SERAC1: variants seen among roughly 807,000 people sequenced by gnomAD.
SERAC1 encodes the protein serine active site containing 1.
SERAC1 carries 36 observed loss-of-function variants against 85.7 expected under a neutral mutation model. The observed-to-expected ratio is 0.42, with a 90% CI of 0.32 to 0.55. SERAC1 has a LOEUF of 0.55. SERAC1 is among the 20% of genes least tolerant of loss of function. SERAC1 has a pLI of 0.11. For missense variants in SERAC1, 629 were observed against 796.2 expected (o/e 0.79, Z 2.53); for synonymous variants, 242 against 265.3 (o/e 0.91, Z 0.85).
At chr6:158,142,527 A>C (rs1296182427) in intron 8 of SERAC1, among the ~76,000 whole-genome samples, 3 of 149,912 alleles carry the variant, frequency 2.0e-5, no homozygotes, top group Non-Finnish European at 4.4e-5. Context: ...ACCAGGCTGG[A>C]GTGCAGTGGC....
At chr6:158,147,776 A>C (rs1273957095) in intron 5 of SERAC1, among the ~76,000 whole-genome samples, 1 of 100,476 alleles carries the variant, frequency 1.0e-5, no homozygotes, top group Non-Finnish European at 2.4e-5. Flanking sequence ...CTCAAAAAAA[A>C]AAAAAAAAAA....
chr6:158,135,279 C>T (rs773361884), intron 8 of SERAC1, among the ~76,000 whole-genome samples: 1 of 152,034 alleles, frequency 6.6e-6, no homozygotes, highest in Non-Finnish European at 1.5e-5. Context: ...TGCTTATAAT[C>T]CCAGCACTTT....
chr6:158,137,541 T>C (rs1303912266), intron 8 of SERAC1, among the ~76,000 whole-genome samples: 1 of 152,128 alleles, frequency 6.6e-6, no homozygotes, highest in African/African-American at 2.4e-5. Flanking sequence ...CTATGGCTCC[T>C]AAACACACTG....
intron 8 of SERAC1, among the ~76,000 whole-genome samples, chr6:158,132,035 G>A (rs548318436): frequency 6.6e-6 from 1 of 152,250 alleles, no homozygotes; most frequent in African/African-American, 2.4e-5. Flanking sequence ...TGGGGTAGGA[G>A]AGATGGAAGG....
intron 14 of SERAC1, 148 bp from the exon 15 acceptor site, chr6:158,115,119 T>A: frequency 1.3e-6 from 1 of 795,042 alleles, no homozygotes; most frequent in Non-Finnish European, 2.0e-6. Flanking sequence ...TGTACAGTAG[T>A]ATAAGAAATA....
intron 15 of SERAC1, 99 bp from the exon 16 acceptor site, chr6:158,113,691 A>G: frequency 8.8e-7 from 1 of 1,138,492 alleles, no homozygotes; most frequent in Admixed American, 2.2e-5. Context: ...TAGAATTCTG[A>G]TTCAAGACGG....
intron 8 of SERAC1, among the ~76,000 whole-genome samples, chr6:158,135,352 T>C (rs1053039368): frequency 1.3e-5 from 2 of 152,114 alleles, no homozygotes; most frequent in Non-Finnish European, 2.9e-5. Flanking sequence ...ATCAACATGG[T>C]GACATCCCGT....
Position 158,146,700 on chromosome 6 carries a change from G to A in SERAC1, c.487+82C>T, listed in dbSNP as rs889097992. On this transcript the variant is annotated intron_variant, in intron 6 of 16. Coordinates refer to ENST00000647468, the MANE Select transcript of SERAC1 (RefSeq NM_032861.4). ...GCTGGGATTACAGGCGTGAGCCACC[G>A]CACCTGGCCACTCCCTTGTCTTTTA... The A allele has an allele frequency of 6.4e-6, 10 of 1,554,428 alleles. No homozygotes were observed. The East Asian group carries it at 7.0e-5, about 11-fold the overall frequency.
intron 14 of SERAC1, 146 bp from the exon 15 acceptor site, chr6:158,115,117 A>G: frequency 1.2e-6 from 1 of 810,122 alleles, no homozygotes; most frequent in South Asian, 1.8e-5. Flanking sequence ...TCTGTACAGT[A>G]GTATAAGAAA....
chr6:158,152,647 G>C (rs968900053), intron 3 of SERAC1: 1 of 152,274 alleles, frequency 6.6e-6, no homozygotes, highest in African/African-American at 2.4e-5. Flanking sequence ...TCCACTCATG[G>C]TAAGTGCCCT....
intron 7 of SERAC1, 81 bp downstream of exon 7, chr6:158,144,216 TAA>T: frequency 9.2e-7 from 1 of 1,089,638 alleles, no homozygotes; most frequent in Non-Finnish European, 1.3e-6. Flanking sequence ...ACTACTTTTT[TAA>T]AGTGTTTTGT....
At chr6:158,126,518 C>T (rs1211937353) in intron 10 of SERAC1, among the ~76,000 whole-genome samples, 1 of 152,028 alleles carries the variant, frequency 6.6e-6, no homozygotes, top group Non-Finnish European at 1.5e-5. Flanking sequence ...AAGAGAAGGA[C>T]TCTTGCTTCC....
At chr6:158,143,613 C>A (rs1042852579) in intron 7 of SERAC1, among the ~76,000 whole-genome samples, 1 of 151,768 alleles carries the variant, frequency 6.6e-6, no homozygotes, top group Non-Finnish European at 1.5e-5. Flanking sequence ...ATTATTGCAC[C>A]CTTACTAATT....
Position 158,149,229 on chromosome 6 carries a change from T to A in SERAC1, c.266-275A>T, listed in dbSNP as rs1164558366. 2.6e-5 allele frequency among the ~76,000 whole-genome samples: 4 copies of A among 152,198 alleles called. No homozygotes were observed. In the East Asian group the frequency reaches 7.7e-4, roughly 29 times the overall value. On this transcript the variant is annotated intron_variant, in intron 4 of 16. Coordinates refer to ENST00000647468, the MANE Select transcript of SERAC1 (RefSeq NM_032861.4). ...GGATGGTCTTGATCTCCTGACCTCA[T>A]GATCCGCCCTCCTCGGCCTCCCAAA...
At chr6:158,146,940 A>T in intron 5 of SERAC1, 27 bp from the exon 6 acceptor site, 1 of 1,607,274 alleles carries the variant, frequency 6.2e-7, no homozygotes, top group Non-Finnish European at 8.5e-7. Context: ...AGCCAAGACA[A>T]TGTGAAAAGT....
At chr6:158,148,997 T>A in intron 4 of SERAC1, 43 bp from the exon 5 acceptor site, 1 of 1,462,828 alleles carries the variant, frequency 6.8e-7, no homozygotes, top group South Asian at 1.3e-5. Context: ...AATGTATTTT[T>A]TTTTTCTTTT....
chr6:158,130,543 G>A, intron 8 of SERAC1, 57 bp from the exon 9 acceptor site: 2 of 1,068,002 alleles, frequency 1.9e-6, no homozygotes, highest in Admixed American at 2.8e-5. Flanking sequence ...ATTTTTGTTT[G>A]ACAAAAAAAA....
chr6:158,119,009 A>C lies in SERAC1; in HGVS notation c.1308+20T>G. 1 of 1,606,872 alleles carries C rather than the reference A, an allele frequency of 6.2e-7. No homozygotes were observed. Among genetic ancestry groups the C allele is most frequent in the Non-Finnish European group, 8.5e-7 (1 of 1,175,586 alleles). ...AACCAGGGCCCCAGCAACCAGGGCC[A>C]GAGTCAGTGGCTCCCTTACCTTGGG... On this transcript the variant is annotated intron_variant, in intron 12 of 16. Transcript: ENST00000647468. This position sits in a 1 kb window ranked among gnomAD's most constrained non-coding sequence, Gnocchi z 4.5.
Position 158,117,785 on chromosome 6 carries a change from T to A in SERAC1, c.1345A>T (p.Ile449Leu). 6.2e-7 allele frequency: 1 copy of A among 1,614,160 alleles called. No individual in the cohort carries two copies. The highest frequency in any genetic ancestry group is 8.5e-7 in the Non-Finnish European group (1 of 1,179,998). The stretch of plus-strand genomic sequence containing the variant: ...AGGCTGGTGTCATACTCCACAGATA[T>A]AATTCGGAGAGCAGGACAGTCTTTT... ...LAKDCPALRIISVEYDTSLSD... is the reference protein window; with the variant it reads ...LAKDCPALRILSVEYDTSLSD... The change falls in exon 13 of 17, where the codon ATA (isoleucine) becomes TTA (leucine). Residue 449 changes from isoleucine to leucine, a missense_variant. Transcript: ENST00000647468. This position sits in a 1 kb window ranked among gnomAD's most constrained non-coding sequence, Gnocchi z 4.3.
Sources: allele counts gnomAD v4.1 joint callset (sites outside exome capture counted in the v4.1 genomes callset), GRCh38; gene constraint gnomAD v4.1.1; non-coding constraint Gnocchi (gnomAD v3.1); transcripts MANE v1.5; gene names NCBI Gene and HGNC (gene_info 2026-07-23, HGNC 2026-07-21).